The following ACVR2A variants were observed in gnomAD, a reference collection of about 807,000 sequenced individuals.
ACVR2A encodes the protein activin receptor type-2A.
ACVR2A carries 7 observed loss-of-function variants against 61.4 expected under a neutral mutation model. That is an observed-to-expected ratio of 0.11 (90% confidence interval 0.06 to 0.21). ACVR2A has a LOEUF of 0.21. Ranked by LOEUF, ACVR2A falls within the 10% of genes least tolerant of loss-of-function variation. The pLI, the probability that ACVR2A is intolerant of heterozygous loss-of-function variation, is 1.00. For synonymous variants in ACVR2A, 193 were observed against 208.3 expected (o/e 0.93, Z 0.63); for missense variants, 322 against 621.7 (o/e 0.52, Z 5.13).
At chr2:147,862,285 T>TG (rs1685744212) in intron 1 of ACVR2A, among the ~76,000 whole-genome samples, 1 of 151,394 alleles carries the variant, frequency 6.6e-6, no homozygotes, top group African/African-American at 2.4e-5. Context: ...AGGGCAGATT[T>TG]TTTTTTTTTT....
chr2:147,883,558 T>A (rs904928098), intron 1 of ACVR2A, among the ~76,000 whole-genome samples: 14 of 152,206 alleles, frequency 9.2e-5, no homozygotes, highest in African/African-American at 3.1e-4. Context: ...ATTGAGATTT[T>A]TTTTTAATAC....
rs914301973 is a variant in ACVR2A at position 147,881,207 on chromosome 2, AT to A, written c.56-15091del. Among the ~76,000 whole-genome samples, 11 of 151,960 alleles carry A rather than the reference AT, an allele frequency of 7.2e-5. 1 individual carries two copies. Among genetic ancestry groups the A allele is most frequent in the Non-Finnish European group, 2.9e-5 (2 of 67,986 alleles). Reference sequence around the variant, plus strand: ...TGAATGATAAATCCGAAGTTTTGTGATTTGCTCTTTTCCTGGTTCCTGTTGT... The same window carrying A: ...TGAATGATAAATCCGAAGTTTTGTGATTGCTCTTTTCCTGGTTCCTGTTGT... On this transcript the variant is annotated intron_variant, in intron 1 of 10. Coordinates refer to ENST00000241416, the MANE Select transcript of ACVR2A (RefSeq NM_001616.5).
intron 1 of ACVR2A, among the ~76,000 whole-genome samples, chr2:147,853,521 A>G (rs1338501593): frequency 6.6e-6 from 1 of 152,078 alleles, no homozygotes; most frequent in Non-Finnish European, 1.5e-5. Flanking sequence ...TAAACTTTTC[A>G]GTGACCATTC....
intron 4 of ACVR2A, among the ~76,000 whole-genome samples, chr2:147,908,524 G>T (rs1687043764): frequency 6.6e-6 from 1 of 152,132 alleles, no homozygotes. Flanking sequence ...AATCATTGCT[G>T]TGCAATTGAC....
At chr2:147,897,894 G>A (rs1355815672) in intron 2 of ACVR2A, among the ~76,000 whole-genome samples, 1 of 152,154 alleles carries the variant, frequency 6.6e-6, no homozygotes. Context: ...GATATGTGCT[G>A]TTACGAAAGG....
intron 1 of ACVR2A, among the ~76,000 whole-genome samples, chr2:147,874,026 T>C (rs929328742): frequency 6.6e-6 from 1 of 151,910 alleles, no homozygotes; most frequent in African/African-American, 2.4e-5. Context: ...AGGTAAATGA[T>C]TGATTTTTGT....
At chr2:147,862,405 G>A (rs1366014515) in intron 1 of ACVR2A, among the ~76,000 whole-genome samples, 2 of 152,050 alleles carry the variant, frequency 1.3e-5, no homozygotes, top group African/African-American at 2.4e-5. Flanking sequence ...TGCTGCAGAT[G>A]TGCTTTTCTC....
chr2:147,866,116 A>G (rs920679643), intron 1 of ACVR2A, among the ~76,000 whole-genome samples: 5 of 152,174 alleles, frequency 3.3e-5, no homozygotes, highest in African/African-American at 1.2e-4. Flanking sequence ...AATGGTATCA[A>G]GCATTAAAGC....
At chr2:147,919,481 T>TTA (rs1475773483) in intron 7 of ACVR2A, among the ~76,000 whole-genome samples, 1 of 152,182 alleles carries the variant, frequency 6.6e-6, no homozygotes, top group Admixed American at 6.6e-5. Flanking sequence ...CGATTAGCTT[T>TTA]TATAGCATTT....
chr2:147,882,418 G>T (rs1399412005), intron 1 of ACVR2A, among the ~76,000 whole-genome samples: 1 of 152,212 alleles, frequency 6.6e-6, no homozygotes, highest in African/African-American at 2.4e-5. Context: ...GGGTGTGGTG[G>T]CGTGCGCCTG....
chr2:147,929,070 A>G lies in ACVR2A; in HGVS notation c.*1796A>G, dbSNP rs1434717631. ...TAATTATGTTATTTATAAACAATAC[A>G]TAGGTCAACAGACTTTAAGCAGGGA... On this transcript the variant is annotated 3_prime_UTR_variant, in exon 11 of 11. Coordinates refer to ENST00000241416, the MANE Select transcript of ACVR2A (RefSeq NM_001616.5). 6.6e-6 allele frequency: 1 copy of G among 152,446 alleles called. No homozygotes were observed. The highest frequency in any genetic ancestry group is 1.5e-5 in the Non-Finnish European group (1 of 67,960). 9.4% of individuals were successfully genotyped at this position (152,446 alleles called of 1,614,324 possible). A position where few individuals can be genotyped will look rare whatever the true frequency, so the allele number is the denominator to read the frequency against.
At chr2:147,853,952 A>G (rs1016054083) in intron 1 of ACVR2A, among the ~76,000 whole-genome samples, 5 of 152,168 alleles carry the variant, frequency 3.3e-5, no homozygotes, top group Admixed American at 1.3e-4. Flanking sequence ...TTGTAAACCA[A>G]GATGTATTAA....
intron 10 of ACVR2A, 99 bp downstream of exon 10, chr2:147,926,260 T>C: frequency 7.0e-7 from 1 of 1,435,940 alleles, no homozygotes; most frequent in Non-Finnish European, 9.5e-7. Flanking sequence ...GCAAGTATTT[T>C]CTGGAAGGTG....
At chr2:147,922,881 G>T in intron 8 of ACVR2A, 92 bp from the exon 9 acceptor site, 1 of 1,361,152 alleles carries the variant, frequency 7.3e-7, no homozygotes, top group South Asian at 1.4e-5. Context: ...CCTGGTAATA[G>T]ACCACATTTG....
intron 1 of ACVR2A, among the ~76,000 whole-genome samples, chr2:147,862,930 G>A (rs1222533262): frequency 6.6e-6 from 1 of 152,086 alleles, no homozygotes; most frequent in Non-Finnish European, 1.5e-5. Flanking sequence ...TGTTAAAACT[G>A]TCATTATTAA....
At chr2:147,917,777 GT>G (rs1329904701) in intron 6 of ACVR2A, among the ~76,000 whole-genome samples, 3 of 151,622 alleles carry the variant, frequency 2.0e-5, no homozygotes, top group Non-Finnish European at 2.9e-5. Flanking sequence ...ATTTTTTTAA[GT>G]TTTAATCAGT....
At chr2:147,879,033 T>C (rs899681222) in intron 1 of ACVR2A, among the ~76,000 whole-genome samples, 1 of 152,208 alleles carries the variant, frequency 6.6e-6, no homozygotes, top group Admixed American at 6.5e-5. Context: ...GAGTAGACCA[T>C]ATGGTAAATG....
intron 9 of ACVR2A, 83 bp from the exon 10 acceptor site, chr2:147,925,948 G>A: frequency 1.4e-6 from 2 of 1,391,110 alleles, no homozygotes; most frequent in African/African-American, 2.9e-5. Flanking sequence ...AGGTGACAGA[G>A]TATATTTTAG....
intron 4 of ACVR2A, among the ~76,000 whole-genome samples, chr2:147,904,166 T>C (rs1178660447): frequency 6.6e-6 from 1 of 152,068 alleles, no homozygotes. Flanking sequence ...TTGCCTGTGC[T>C]GAAACTATCT....
Sources: gnomAD v4.1 joint callset for allele counts (sites outside exome capture counted in the v4.1 genomes callset) on GRCh38, gnomAD v4.1.1 for gene constraint, MANE v1.5 for transcripts, NCBI Gene and HGNC (gene_info 2026-07-23, HGNC 2026-07-21) for gene names.